ADARB2: variants seen among roughly 807,000 people sequenced by gnomAD.
ADARB2 encodes the protein inactive double-stranded RNA-specific editase B2.
A neutral mutation model predicts 62.2 loss-of-function variants in ADARB2; 25 were observed. That is an observed-to-expected ratio of 0.40 (90% CI 0.29 to 0.56). ADARB2 has a LOEUF of 0.56. ADARB2 is among the 20% of genes least tolerant of loss of function. The pLI, the probability that ADARB2 is intolerant of heterozygous loss-of-function variation, is 0.43. For missense variants in ADARB2, 1,071 were observed against 1,077.4 expected (o/e 0.99, Z 0.08); for synonymous variants, 572 against 500.8 (o/e 1.14, Z -1.90).
At chr10:1,650,786 C>T (rs897823656) in intron 1 of ADARB2, among the ~76,000 whole-genome samples, 1 of 152,170 alleles carries the variant, frequency 6.6e-6, no homozygotes, top group East Asian at 1.9e-4. Context: ...GATGTGCGTG[C>T]CTGGAGCTTC....
chr10:1,714,143 T>C (rs1834986103), intron 1 of ADARB2, among the ~76,000 whole-genome samples: 1 of 152,266 alleles, frequency 6.6e-6, no homozygotes. Context: ...TTCAGCAGTT[T>C]CTATTTAAAA....
At chr10:1,343,683 T>C (rs1266439085) in intron 3 of ADARB2, among the ~76,000 whole-genome samples, 1 of 152,232 alleles carries the variant, frequency 6.6e-6, no homozygotes, top group African/African-American at 2.4e-5. Context: ...CATGGAATAC[T>C]ATGCAGCCAT....
At chr10:1,591,669 A>ACACG (rs896761865) in intron 1 of ADARB2, among the ~76,000 whole-genome samples, 1 of 151,576 alleles carries the variant, frequency 6.6e-6, no homozygotes, top group African/African-American at 2.4e-5. Context: ...GCACACACAC[A>ACACG]CACACACACG....
intron 1 of ADARB2, among the ~76,000 whole-genome samples, chr10:1,472,990 G>A (rs776704933): frequency 7.2e-5 from 11 of 152,146 alleles, no homozygotes; most frequent in Admixed American, 2.0e-4. Flanking sequence ...GCAGCTTCCC[G>A]ATAGGATCTC....
At chr10:1,359,237 C>T (rs1364749513) in intron 3 of ADARB2, among the ~76,000 whole-genome samples, 2 of 152,106 alleles carry the variant, frequency 1.3e-5, no homozygotes, top group Admixed American at 6.5e-5. Context: ...CAGGCACTGC[C>T]CCTATCAGCT....
chr10:1,200,086 G>C lies in ADARB2; in HGVS notation c.1744C>G (p.Gln582Glu), dbSNP rs1225040306. 6.4e-7 allele frequency: 1 copy of C among 1,571,764 alleles called. No homozygotes were observed. The highest frequency in any genetic ancestry group is 1.3e-5 in the African/African-American group (1 of 74,192). Reference protein sequence around the residue: ...LSHFVEPVYLQSIVVGSLHHT... With the variant: ...LSHFVEPVYLESIVVGSLHHT... ...TGCAGGCTGCCCACCACGATGCTCT[G>C]CAGGTACACGGGCTCCACGAAGTGG... The change falls in exon 8 of 10, where the codon CAG becomes GAG. Residue 582 changes from glutamine to glutamate, a missense_variant. Coordinates refer to ENST00000381312, the MANE Select transcript of ADARB2 (RefSeq NM_018702.4).
At chr10:1,473,032 A>C (rs533833433) in intron 1 of ADARB2, among the ~76,000 whole-genome samples, 4 of 152,204 alleles carry the variant, frequency 2.6e-5, no homozygotes, top group Non-Finnish European at 5.9e-5. Flanking sequence ...AGGCGTGCAC[A>C]TGTGGACAGC....
intron 1 of ADARB2, among the ~76,000 whole-genome samples, chr10:1,582,622 C>T (rs1201508950): frequency 3.3e-5 from 5 of 152,120 alleles, no homozygotes; most frequent in African/African-American, 1.2e-4. Context: ...CAAGCAGCAC[C>T]CTCAGCCAAA....
intron 3 of ADARB2, among the ~76,000 whole-genome samples, chr10:1,319,288 A>G (rs1245638617): frequency 1.3e-5 from 2 of 152,208 alleles, no homozygotes; most frequent in African/African-American, 4.8e-5. Context: ...ATCATACCTC[A>G]AGATGTATTA....
Position 1,524,704 on chromosome 10 carries a change from CG to C in ADARB2, c.101-145545del, listed in dbSNP as rs1307193291. Among the ~76,000 whole-genome samples the C allele has an allele frequency of 8.5e-5, 13 of 152,138 alleles. No individual in the cohort carries two copies. The East Asian group carries it at 2.1e-3, about 25-fold the overall frequency. The stretch of plus-strand genomic sequence containing the variant: ...AGAACAGCACAGCCCGGTGGCTGCC[CG>C]GGGGGAGGTGGTAGGCAGGGTCAGA... On this transcript the variant is annotated intron_variant, in intron 1 of 9. Transcript: ENST00000381312.
intron 1 of ADARB2, among the ~76,000 whole-genome samples, chr10:1,543,168 T>C (rs1832464325): frequency 6.6e-6 from 1 of 152,198 alleles, no homozygotes; most frequent in South Asian, 2.1e-4. Flanking sequence ...CGGTGCAGGA[T>C]GGCGGCGTTG....
intron 1 of ADARB2, among the ~76,000 whole-genome samples, chr10:1,454,154 C>T (rs1023936769): frequency 9.2e-5 from 14 of 152,228 alleles, no homozygotes; most frequent in South Asian, 4.2e-4. Context: ...GGTAGGAGAG[C>T]GTGTGCAGGG....
intron 1 of ADARB2, among the ~76,000 whole-genome samples, chr10:1,725,087 A>G (rs1835146770): frequency 6.6e-6 from 1 of 152,242 alleles, no homozygotes; most frequent in African/African-American, 2.4e-5. Flanking sequence ...CACCTGACTG[A>G]GCGCATGGAC....
chr10:1,232,161 A>G (rs1258129269), intron 6 of ADARB2, among the ~76,000 whole-genome samples: 1 of 151,622 alleles, frequency 6.6e-6, no homozygotes, highest in East Asian at 1.9e-4. Flanking sequence ...CACACCACAC[A>G]CATAGCACAC....
In ADARB2 at chr10:1,478,760, A is replaced by ACGGGAGAGCGCCAAAACAAGGACCC. The variant is rs1231343927; in HGVS notation, c.101-99601_101-99600insGGGTCCTTGTTTTGGCGCTCTCCCG. ...AGAGCGCCAAAACAAGGACCCTCGGATGGGAGAGCGCCAAAATAAGGACCC... is the reference window on the plus strand; with the variant it reads ...AGAGCGCCAAAACAAGGACCCTCGGACGGGAGAGCGCCAAAACAAGGACCCTGGGAGAGCGCCAAAATAAGGACCC... On this transcript the variant is annotated intron_variant, in intron 1 of 9. Transcript: ENST00000381312. 1.7e-4 allele frequency among the ~76,000 whole-genome samples: 25 copies of ACGGGAGAGCGCCAAAACAAGGACCC among 148,850 alleles called. 7 individuals are homozygous for ACGGGAGAGCGCCAAAACAAGGACCC. Among genetic ancestry groups the ACGGGAGAGCGCCAAAACAAGGACCC allele is most frequent in the Admixed American group, 5.3e-4 (8 of 15,012 alleles).
At chr10:1,330,915 A>G (rs895768433) in intron 3 of ADARB2, among the ~76,000 whole-genome samples, 9 of 152,250 alleles carry the variant, frequency 5.9e-5, no homozygotes, top group Non-Finnish European at 1.3e-4. Flanking sequence ...CGAATACATA[A>G]TAACATTTTA....
At chr10:1,538,904 C>G (rs569979365) in intron 1 of ADARB2, among the ~76,000 whole-genome samples, 1 of 152,238 alleles carries the variant, frequency 6.6e-6, no homozygotes, top group East Asian at 1.9e-4. Flanking sequence ...TCACACTGCA[C>G]GGCATCCCAT....
chr10:1,400,985 A>T (rs11592576), intron 1 of ADARB2, among the ~76,000 whole-genome samples: 3,234 of 152,060 alleles, frequency 0.021, 72 homozygotes, highest in East Asian at 0.12. Context: ...CACTGTCTCC[A>T]CCGGAACCTT....
intron 1 of ADARB2, among the ~76,000 whole-genome samples, chr10:1,486,375 A>G (rs1463119159): frequency 6.6e-6 from 1 of 152,212 alleles, no homozygotes; most frequent in Admixed American, 6.5e-5. Context: ...AATATATTCT[A>G]CAGAGGTAAC....
Sources: allele counts gnomAD v4.1 joint callset (sites outside exome capture counted in the v4.1 genomes callset), GRCh38; gene constraint gnomAD v4.1.1; transcripts MANE v1.5; gene names NCBI Gene and HGNC (gene_info 2026-07-23, HGNC 2026-07-21).